Variants in DCAF5 observed in about 807,000 individuals in gnomAD.
DCAF5 encodes the protein DDB1- and CUL4-associated factor 5.
Under a neutral mutation model 80.7 loss-of-function variants are expected in DCAF5, and 9 were observed. That is an observed-to-expected ratio of 0.11 (90% CI 0.07 to 0.19). The LOEUF (loss-of-function observed/expected upper bound fraction) is 0.19, where lower values mean the gene tolerates loss of function less well. Ranked by LOEUF, DCAF5 falls within the 10% of genes least tolerant of loss-of-function variation. DCAF5 has a pLI of 1.00. For synonymous variants in DCAF5, 433 were observed against 461.9 expected (o/e 0.94, Z 0.80); for missense variants, 842 against 1,205.7 (o/e 0.70, Z 4.47).
At chr14:69,096,498 A>G (rs2039720143) in intron 5 of DCAF5, among the ~76,000 whole-genome samples, 1 of 152,228 alleles carries the variant, frequency 6.6e-6, no homozygotes, top group Admixed American at 6.5e-5. Flanking sequence ...AAATCTTTAT[A>G]TAATCAAATG....
intron 7 of DCAF5, among the ~76,000 whole-genome samples, chr14:69,069,263 G>T (rs996857496): frequency 6.6e-6 from 1 of 152,078 alleles, no homozygotes; most frequent in Non-Finnish European, 1.5e-5. Context: ...ACAGTGACTC[G>T]GCAGTAAAAA....
intron 7 of DCAF5, among the ~76,000 whole-genome samples, chr14:69,068,651 T>C (rs982654875): frequency 2.8e-5 from 4 of 142,930 alleles, no homozygotes; most frequent in Non-Finnish European, 4.5e-5. Context: ...TGAGCCGAGA[T>C]CATGCCATTG....
At chr14:69,121,905 T>C (rs56313344) in intron 2 of DCAF5, among the ~76,000 whole-genome samples, 4 of 152,008 alleles carry the variant, frequency 2.6e-5, no homozygotes, top group African/African-American at 9.7e-5. Context: ...AATAGGAAGG[T>C]TAAGTATTGT....
chr14:69,059,948 T>C (rs1346238101), intron 8 of DCAF5, among the ~76,000 whole-genome samples: 1 of 152,130 alleles, frequency 6.6e-6, no homozygotes, highest in Non-Finnish European at 1.5e-5. Context: ...CTTGGCTAGT[T>C]TGCAACATAT....
chr14:69,068,562 C>T (rs1354409071), intron 7 of DCAF5, among the ~76,000 whole-genome samples: 7 of 151,956 alleles, frequency 4.6e-5, no homozygotes, highest in African/African-American at 1.7e-4. Flanking sequence ...GCTGGGCATG[C>T]TGGCACATGC....
rs35359938 is a variant in DCAF5 at position 69,136,113 on chromosome 14, C to CTTT, written c.215-13756_215-13754dup. The stretch of plus-strand genomic sequence containing the variant: ...CTTTTATAAAAACTGATGTGTAAAA[C>CTTT]TTTTTTTTTTTTTTTTTTTGGATAC... On this transcript the variant is annotated intron_variant, in intron 1 of 8. Transcript: ENST00000341516. Among the ~76,000 whole-genome samples the CTTT allele has an allele frequency of 7.4e-3, 932 of 125,254 alleles. 21 individuals are homozygous for CTTT. Among genetic ancestry groups the CTTT allele is most frequent in the South Asian group, 0.022 (89 of 3,998 alleles). 82.2% of individuals were successfully genotyped at this position (125,254 alleles called of 152,430 possible). A position where few individuals can be genotyped will look rare whatever the true frequency, so the allele number is the denominator to read the frequency against.
intron 6 of DCAF5, among the ~76,000 whole-genome samples, chr14:69,075,692 C>T (rs1424490675): frequency 9.9e-5 from 15 of 152,124 alleles, no homozygotes; most frequent in Non-Finnish European, 1.0e-4. Context: ...CCATGTTGGC[C>T]AGGCTGGTCT....
intron 6 of DCAF5, among the ~76,000 whole-genome samples, chr14:69,080,980 G>A (rs761483323): frequency 4.0e-5 from 6 of 151,284 alleles, no homozygotes; most frequent in Non-Finnish European, 8.8e-5. Context: ...GGAAACCACA[G>A]ATTAAAAACT....
chr14:69,106,901 G>T (rs933995032), intron 5 of DCAF5, among the ~76,000 whole-genome samples: 4 of 151,982 alleles, frequency 2.6e-5, no homozygotes, highest in Non-Finnish European at 5.9e-5. Flanking sequence ...AATTAACCGG[G>T]CATGGTGGCA....
rs759571785 is a variant in DCAF5, at chr14:69,054,737, G to A, written c.1949C>T (p.Thr650Ile). ...LEIQPSRASP[T>I]SDIESVERKI... Reference sequence around the variant, plus strand: ...TCGCTCAACTGATTCTATGTCAGAAGTTGGTGATGCCCGGCTTGGTTGAAT... The same window carrying A: ...TCGCTCAACTGATTCTATGTCAGAAATTGGTGATGCCCGGCTTGGTTGAAT... Residue 650 changes from threonine to isoleucine, a missense_variant, in exon 9 of 9, where the codon ACT (threonine) becomes ATT (isoleucine). Coordinates refer to ENST00000341516, the MANE Select transcript of DCAF5 (RefSeq NM_003861.3). 6.2e-7 allele frequency: 1 copy of A among 1,614,258 alleles called. No homozygotes were observed. Among genetic ancestry groups the A allele is most frequent in the African/African-American group, 1.3e-5 (1 of 75,076 alleles).
chr14:69,096,327 C>A (rs1186497494), intron 5 of DCAF5, among the ~76,000 whole-genome samples: 2 of 152,218 alleles, frequency 1.3e-5, no homozygotes, highest in Non-Finnish European at 2.9e-5. Context: ...AAGGAAGACA[C>A]ATTGCGATCT....
intron 1 of DCAF5, among the ~76,000 whole-genome samples, chr14:69,150,305 T>C (rs1194467765): frequency 1.3e-5 from 2 of 152,066 alleles, no homozygotes; most frequent in African/African-American, 4.8e-5. Flanking sequence ...CTGATGGAGA[T>C]GGGCAACACA....
At chr14:69,065,788 T>C (rs776788710) in intron 7 of DCAF5, among the ~76,000 whole-genome samples, 50 of 152,362 alleles carry the variant, frequency 3.3e-4, no homozygotes, top group South Asian at 1.4e-3. Flanking sequence ...TAGGGTCTCC[T>C]TTCCTCTGTC....
At position 69,067,651 on chromosome 14, in the gene DCAF5, TTC is replaced by T. The variant is rs559920439; in HGVS notation, c.947-5142_947-5141del. On this transcript the variant is annotated intron_variant, in intron 7 of 8. Transcript: ENST00000341516. ...TGAGCCACCTAATCCAGCCCAGATATTCTTTTTTTTTTAAGATGGAGTCTCAC... is the reference window on the plus strand; with the variant it reads ...TGAGCCACCTAATCCAGCCCAGATATTTTTTTTTTTAAGATGGAGTCTCAC... 2.7e-3 allele frequency among the ~76,000 whole-genome samples: 416 copies of T among 151,588 alleles called. 2 individuals carry two copies. The highest frequency in any genetic ancestry group is 9.8e-3 in the African/African-American group (404 of 41,250).
chr14:69,079,029 C>A (rs1484778639), intron 6 of DCAF5, among the ~76,000 whole-genome samples: 1 of 152,066 alleles, frequency 6.6e-6, no homozygotes, highest in South Asian at 2.1e-4. Context: ...TTTCCTGTTA[C>A]GTTACACGTT....
At chr14:69,140,973 A>G (rs139087648) in intron 1 of DCAF5, among the ~76,000 whole-genome samples, 1,882 of 151,918 alleles carry the variant, frequency 0.012, 33 homozygotes, top group East Asian at 0.065. Context: ...GTCTTTACTA[A>G]AAGTACAAAA....
At chr14:69,085,954 T>A (rs1566741100) in intron 6 of DCAF5, among the ~76,000 whole-genome samples, 1 of 152,228 alleles carries the variant, frequency 6.6e-6, no homozygotes, top group Non-Finnish European at 1.5e-5. Context: ...CTGAGTCTAG[T>A]CCTGGTTTTG....
rs1262177216 is a variant in DCAF5 at position 69,053,768 on chromosome 14, C to T, written c.*89G>A. 7.6e-7 allele frequency: 1 copy of T among 1,317,438 alleles called. No homozygotes were observed. Among genetic ancestry groups the T allele is most frequent in the African/African-American group, 1.5e-5 (1 of 67,506 alleles). 81.6% of individuals were successfully genotyped at this position (1,317,438 alleles called of 1,614,324 possible). A position where few individuals can be genotyped will look rare whatever the true frequency, so the allele number is the denominator to read the frequency against. On this transcript the variant is annotated 3_prime_UTR_variant, in exon 9 of 9. Coordinates refer to ENST00000341516, the MANE Select transcript of DCAF5 (RefSeq NM_003861.3). ...GCCCTGGTTTCATGTGCCTTTAATA[C>T]TTGTTTTTCCTTTCCTCTGTATTCA... is the stretch of plus-strand genomic sequence containing the variant.
At chr14:69,085,786 T>C (rs1228805848) in intron 6 of DCAF5, among the ~76,000 whole-genome samples, 1 of 152,168 alleles carries the variant, frequency 6.6e-6, no homozygotes, top group African/African-American at 2.4e-5. Context: ...AAAAAAAGTT[T>C]CCTAAAACAT....
Sources: gnomAD v4.1 joint callset for allele counts (sites outside exome capture counted in the v4.1 genomes callset) on GRCh38, gnomAD v4.1.1 for gene constraint, MANE v1.5 for transcripts, NCBI Gene and HGNC (gene_info 2026-07-23, HGNC 2026-07-21) for gene names.